Variants in FOXP2 observed in about 807,000 individuals in gnomAD.
FOXP2 encodes the protein forkhead box P2.
A neutral mutation model predicts 115.8 loss-of-function variants in FOXP2; 12 were observed. The observed-to-expected ratio is 0.10, with a 90% CI of 0.07 to 0.17. The LOEUF (loss-of-function observed/expected upper bound fraction) is 0.17. Among genes scored for constraint, FOXP2 ranks in the 10% least tolerant of loss-of-function variants. The pLI, the probability that FOXP2 is intolerant of heterozygous loss-of-function variation, is 1.00. For missense variants in FOXP2, 629 were observed against 843.5 expected (o/e 0.75, Z 3.15); for synonymous variants, 328 against 297.7 (o/e 1.10, Z -1.05).
chr7:114,655,804 G>C (rs1806555579), intron 10 of FOXP2, among the ~76,000 whole-genome samples: 1 of 152,124 alleles, frequency 6.6e-6, no homozygotes, highest in African/African-American at 2.4e-5. Flanking sequence ...TGAACACAAG[G>C]TGCAACCGCA....
intron 2 of FOXP2, among the ~76,000 whole-genome samples, chr7:114,518,225 A>G (rs1798439372): frequency 6.6e-6 from 1 of 152,200 alleles, no homozygotes; most frequent in African/African-American, 2.4e-5. Context: ...TTAAAGTAAT[A>G]TATTTCAAAA....
intron 1 of FOXP2, among the ~76,000 whole-genome samples, chr7:114,423,572 C>G (rs1584717295): frequency 1.3e-5 from 2 of 151,622 alleles, no homozygotes; most frequent in Non-Finnish European, 3.0e-5. Flanking sequence ...CTTTAATGAT[C>G]TGGAATTTAT....
At chr7:114,551,713 G>T (rs1294219249) in intron 3 of FOXP2, among the ~76,000 whole-genome samples, 2 of 152,088 alleles carry the variant, frequency 1.3e-5, no homozygotes, top group African/African-American at 4.8e-5. Flanking sequence ...AGAGAAAAAT[G>T]TAGAAAAGTA....
chr7:114,688,812 C>G (rs373192660), intron 16 of FOXP2, among the ~76,000 whole-genome samples: 200 of 152,260 alleles, frequency 1.3e-3, no homozygotes, highest in African/African-American at 4.0e-3. Flanking sequence ...CATGTATCAT[C>G]ATGTCTCACT....
intron 2 of FOXP2, among the ~76,000 whole-genome samples, chr7:114,310,912 C>A (rs1797133418): frequency 6.6e-6 from 1 of 152,122 alleles, no homozygotes; most frequent in South Asian, 2.1e-4. Flanking sequence ...ATCAAGTGTG[C>A]AGCTCAACCT....
At chr7:114,208,173 A>T (rs1350511969) in intron 1 of FOXP2, among the ~76,000 whole-genome samples, 2 of 152,208 alleles carry the variant, frequency 1.3e-5, no homozygotes, top group Admixed American at 6.5e-5. Flanking sequence ...GCAAAGCAAC[A>T]GGGGAAGAGC....
At chr7:114,240,307 A>G (rs1002914812) in intron 1 of FOXP2, among the ~76,000 whole-genome samples, 1 of 152,124 alleles carries the variant, frequency 6.6e-6, no homozygotes, top group African/African-American at 2.4e-5. Flanking sequence ...TCAAGAGTAC[A>G]TGAATTTTCC....
intron 3 of FOXP2, among the ~76,000 whole-genome samples, chr7:114,543,283 A>C (rs917366790): frequency 1.3e-5 from 2 of 152,174 alleles, no homozygotes; most frequent in Non-Finnish European, 2.9e-5. Flanking sequence ...GATGAGGTAG[A>C]AACCACTCAT....
intron 2 of FOXP2, among the ~76,000 whole-genome samples, chr7:114,460,038 C>T (rs564304856): frequency 6.7e-4 from 102 of 152,090 alleles, no homozygotes; most frequent in Non-Finnish European, 1.1e-3. Context: ...GTCTTCAGAA[C>T]GATTGTGTAG....
intron 3 of FOXP2, among the ~76,000 whole-genome samples, chr7:114,624,276 G>A (rs1042206033): frequency 1.3e-5 from 2 of 151,840 alleles, no homozygotes; most frequent in Non-Finnish European, 2.9e-5. Flanking sequence ...GTAGTTAATT[G>A]TCATAGTTAC....
At position 114,534,688 on chromosome 7, in the gene FOXP2, T is replaced by G; in HGVS notation, c.240T>G (p.Asp80Glu). The change falls in exon 3 of 17, where the codon GAT (aspartate) becomes GAG (glutamate). Residue 80 changes from aspartate (D) to glutamate (E), a missense_variant. This residue lies in a region of FOXP2 where 91 missense variants were observed against 98.3 expected (regional missense o/e 0.93). Coordinates refer to ENST00000350908, the MANE Select transcript of FOXP2 (RefSeq NM_014491.4). ...GATTGAAATCTCCTAAGAGCAGTGATAAACAGAGACCACTGCAGGTTAGTA... is the reference window on the plus strand; with the variant it reads ...GATTGAAATCTCCTAAGAGCAGTGAGAAACAGAGACCACTGCAGGTTAGTA... ...TSGLKSPKSS[D>E]KQRPLQVPVS... The G allele has an allele frequency of 6.2e-7, 1 of 1,611,894 alleles. No homozygotes were observed. The highest frequency in any genetic ancestry group is 8.5e-7 in the Non-Finnish European group (1 of 1,178,460).
At chr7:114,485,285 C>T (rs1420472037) in intron 2 of FOXP2, among the ~76,000 whole-genome samples, 2 of 151,910 alleles carry the variant, frequency 1.3e-5, no homozygotes, top group East Asian at 1.9e-4. Flanking sequence ...ATCTAATTCT[C>T]AACCTGAATA....
intron 3 of FOXP2, among the ~76,000 whole-genome samples, chr7:114,593,396 A>T (rs1802536614): frequency 6.6e-6 from 1 of 151,970 alleles, no homozygotes; most frequent in African/African-American, 2.4e-5. Flanking sequence ...AAGTTGTACC[A>T]ATTGACAAAA....
At chr7:114,514,963 C>T (rs1331725531) in intron 2 of FOXP2, among the ~76,000 whole-genome samples, 14 of 150,144 alleles carry the variant, frequency 9.3e-5, no homozygotes, top group South Asian at 2.1e-4. Context: ...TGAGAATATG[C>T]GGTGTTTGGT....
intron 6 of FOXP2, 43 bp from the exon 7 acceptor site, chr7:114,642,367 C>A (rs1462811120): frequency 2.0e-6 from 3 of 1,515,468 alleles, no homozygotes; most frequent in Non-Finnish European, 2.7e-6. Context: ...ATAAACTTTA[C>A]CTTTACCTTG....
intron 1 of FOXP2, among the ~76,000 whole-genome samples, chr7:114,194,844 C>T (rs1212567882): frequency 1.3e-5 from 2 of 152,044 alleles, no homozygotes; most frequent in Non-Finnish European, 2.9e-5. Context: ...AGCTGGAATA[C>T]ATTTATAATA....
intron 1 of FOXP2, among the ~76,000 whole-genome samples, chr7:114,193,152 A>T (rs1463950185): frequency 6.6e-6 from 1 of 152,106 alleles, no homozygotes; most frequent in African/African-American, 2.4e-5. Context: ...AAGAAAAGGT[A>T]TTTAATACTG....
intron 1 of FOXP2, among the ~76,000 whole-genome samples, chr7:114,175,356 G>T (rs1793261334): frequency 6.6e-6 from 1 of 152,064 alleles, no homozygotes; most frequent in Non-Finnish European, 1.5e-5. Context: ...ATCTGGTTTT[G>T]TGGAGTTGAC....
intron 3 of FOXP2, among the ~76,000 whole-genome samples, chr7:114,547,214 T>C (rs1330319157): frequency 6.6e-6 from 1 of 152,232 alleles, no homozygotes; most frequent in Non-Finnish European, 1.5e-5. Context: ...ACATACTTTT[T>C]TTAGCAATAA....
Sources: gnomAD v4.1 joint callset for allele counts (sites outside exome capture counted in the v4.1 genomes callset) on GRCh38, gnomAD v4.1.1 for gene constraint, gnomAD v4.1.1 regional missense constraint, MANE v1.5 for transcripts, NCBI Gene and HGNC (gene_info 2026-07-23, HGNC 2026-07-21) for gene names.